PDE10A: variants seen among roughly 807,000 people sequenced by gnomAD.
The protein encoded by PDE10A is phosphodiesterase 10A.
A neutral mutation model predicts 97.7 loss-of-function variants in PDE10A; 39 were observed. That is an observed-to-expected ratio of 0.40 (90% CI 0.31 to 0.52). The LOEUF is 0.52. PDE10A is among the 20% of genes least tolerant of loss of function. The pLI, the probability that PDE10A is intolerant of heterozygous loss-of-function variation, is 0.56. For missense variants in PDE10A, 731 were observed against 1,047.8 expected (o/e 0.70, Z 4.17); for synonymous variants, 371 against 376.8 (o/e 0.98, Z 0.18).
At chr6:165,807,530 G>T (rs1008438749) in intron 1 of PDE10A, among the ~76,000 whole-genome samples, 1 of 152,188 alleles carries the variant, frequency 6.6e-6, no homozygotes, top group Admixed American at 6.5e-5. Flanking sequence ...AAGGTTGAGA[G>T]CCTGGGGGCC....
intron 1 of PDE10A, among the ~76,000 whole-genome samples, chr6:165,950,477 T>C (rs572627472): frequency 3.2e-4 from 48 of 152,268 alleles, no homozygotes; most frequent in South Asian, 2.1e-4. Context: ...GTGAGAGTGA[T>C]GCACCTGTTC....
chr6:165,590,161 A>C (rs981603516), intron 1 of PDE10A, among the ~76,000 whole-genome samples: 1 of 152,226 alleles, frequency 6.6e-6, no homozygotes, highest in Admixed American at 6.5e-5. Context: ...AGGTTCCGGG[A>C]TAGAATCTAG....
At chr6:165,777,057 T>C (rs1429483999) in intron 1 of PDE10A, among the ~76,000 whole-genome samples, 3 of 152,216 alleles carry the variant, frequency 2.0e-5, no homozygotes, top group African/African-American at 7.2e-5. Flanking sequence ...AATCTGGCCC[T>C]GCTTCCCTGC....
At chr6:165,546,476 A>T (rs1583513253) in intron 1 of PDE10A, among the ~76,000 whole-genome samples, 1 of 152,132 alleles carries the variant, frequency 6.6e-6, no homozygotes, top group East Asian at 1.9e-4. Flanking sequence ...AATGCAACAC[A>T]AGAATCTAAA....
At chr6:165,941,895 T>C (rs1364475584) in intron 1 of PDE10A, among the ~76,000 whole-genome samples, 1 of 152,138 alleles carries the variant, frequency 6.6e-6, no homozygotes, top group Non-Finnish European at 1.5e-5. Flanking sequence ...CTCCTGCCAT[T>C]TCACCTTTCT....
chr6:165,768,200 A>T (rs1180751553), intron 1 of PDE10A, among the ~76,000 whole-genome samples: 1 of 152,136 alleles, frequency 6.6e-6, no homozygotes, highest in Non-Finnish European at 1.5e-5. Context: ...CCCATATCAG[A>T]TAGATGATTT....
chr6:165,757,389 G>A (rs1451230415), intron 1 of PDE10A, among the ~76,000 whole-genome samples: 2 of 151,604 alleles, frequency 1.3e-5, no homozygotes, highest in Non-Finnish European at 2.9e-5. Context: ...TTTTTTTTTA[G>A]TCAAATATGT....
At position 165,332,107 on chromosome 6, in the gene PDE10A, A is replaced by G. The variant is rs1419200377; in HGVS notation, c.*918T>C. 2 of 152,236 alleles carry G rather than the reference A, an allele frequency of 1.3e-5. No individual in the cohort carries two copies. The highest frequency in any genetic ancestry group is 1.3e-4 in the Admixed American group (2 of 15,286). The allele number at this position is 152,236 out of a possible 1,614,324, so 9.4% of individuals were successfully genotyped here. ...GTGAATGAGAGTCTAAAATTCTGCA[A>G]TGACACAAAGTGAAAATATAAAGGA... On this transcript the variant is annotated 3_prime_UTR_variant, in exon 22 of 22. Transcript: ENST00000539869.
chr6:165,481,624 G>GA (rs1489138185), intron 3 of PDE10A, among the ~76,000 whole-genome samples: 2 of 151,984 alleles, frequency 1.3e-5, no homozygotes, highest in Non-Finnish European at 2.9e-5. Flanking sequence ...GTGTAATACA[G>GA]AAAAAACTAA....
chr6:165,897,131 G>T (rs1363209317), intron 1 of PDE10A, among the ~76,000 whole-genome samples: 1 of 152,106 alleles, frequency 6.6e-6, no homozygotes, highest in African/African-American at 2.4e-5. Context: ...AAAAGCAAAC[G>T]GAACTTCCTG....
In PDE10A at chr6:165,416,402, AC is replaced by A. The variant is rs3215623; in HGVS notation, c.1797-122del. On this transcript the variant is annotated intron_variant, in intron 11 of 21. Transcript: ENST00000539869. ...ACTGTTTTACTTAAATGCGTGTATT[AC>A]TTTTACGTTTACATATTCTAAATCA... 2.8e-4 allele frequency: 194 copies of A among 697,802 alleles called. No individual in the cohort carries two copies. The East Asian group carries it at 5.2e-3, about 19-fold the overall frequency. 43.2% of individuals were successfully genotyped at this position (697,802 alleles called of 1,614,324 possible).
chr6:165,959,006 G>A (rs1327794823), intron 1 of PDE10A, among the ~76,000 whole-genome samples: 1 of 152,212 alleles, frequency 6.6e-6, no homozygotes, highest in Non-Finnish European at 1.5e-5. Context: ...AAAGTGCACA[G>A]CTTCAGCGTC....
chr6:165,981,492 C>G (rs758834709), intron 1 of PDE10A, among the ~76,000 whole-genome samples: 1 of 152,124 alleles, frequency 6.6e-6, no homozygotes, highest in African/African-American at 2.4e-5. Flanking sequence ...TTTCAGATGT[C>G]GGTCATTTTC....
At chr6:165,502,413 T>TC (rs1780943510) in intron 2 of PDE10A, among the ~76,000 whole-genome samples, 1 of 152,168 alleles carries the variant, frequency 6.6e-6, no homozygotes, top group South Asian at 2.1e-4. Context: ...AACTCAATAC[T>TC]AAGAGGATGA....
At chr6:165,895,625 C>T (rs1562787188) in intron 1 of PDE10A, among the ~76,000 whole-genome samples, 1 of 152,324 alleles carries the variant, frequency 6.6e-6, no homozygotes, top group East Asian at 1.9e-4. Context: ...CTTCCTTATC[C>T]CTTTCCCTGT....
chr6:165,489,208 A>G (rs1780087124), intron 2 of PDE10A, among the ~76,000 whole-genome samples: 1 of 152,026 alleles, frequency 6.6e-6, no homozygotes, highest in African/African-American at 2.4e-5. Flanking sequence ...ACTCCCTGCT[A>G]CCTCCACTGG....
At chr6:165,622,768 C>T (rs752100234) in intron 1 of PDE10A, among the ~76,000 whole-genome samples, 2 of 152,120 alleles carry the variant, frequency 1.3e-5, no homozygotes, top group Non-Finnish European at 2.9e-5. Flanking sequence ...ATTTAGATGC[C>T]AAGGGATACT....
intron 1 of PDE10A, among the ~76,000 whole-genome samples, chr6:165,729,801 C>A (rs926986242): frequency 6.6e-6 from 1 of 151,804 alleles, no homozygotes; most frequent in Non-Finnish European, 1.5e-5. Context: ...AAAAATCCAA[C>A]CCAGATTATT....
chr6:165,914,093 C>G (rs1429155681), intron 1 of PDE10A, among the ~76,000 whole-genome samples: 1 of 152,210 alleles, frequency 6.6e-6, no homozygotes, highest in Non-Finnish European at 1.5e-5. Flanking sequence ...TTAATCAAAA[C>G]AGCCACCCCT....
Sources: allele counts gnomAD v4.1 joint callset (sites outside exome capture counted in the v4.1 genomes callset), GRCh38; gene constraint gnomAD v4.1.1; transcripts MANE v1.5; gene names NCBI Gene and HGNC (gene_info 2026-07-23, HGNC 2026-07-21).